A1CF: variants seen among roughly 807,000 people sequenced by gnomAD.
A1CF encodes the protein APOBEC-1 stimulating protein.
A neutral mutation model predicts 68.9 loss-of-function variants in A1CF; 48 were observed. The observed-to-expected ratio is 0.70, with a 90% confidence interval of 0.55 to 0.89. A1CF has a LOEUF of 0.89. Ranked by LOEUF, A1CF falls within the 40% of genes least tolerant of loss-of-function variation. The probability of loss-of-function intolerance (pLI) is 0.00; values close to 1 mark genes in which losing one functional copy is unlikely to be tolerated. For missense variants in A1CF, 653 were observed against 718.9 expected (o/e 0.91, Z 1.05); for synonymous variants, 272 against 260.4 (o/e 1.04, Z -0.43).
intron 10 of A1CF, 97 bp downstream of exon 10, chr10:50,813,760 A>G (rs1211275725): frequency 5.1e-5 from 67 of 1,313,568 alleles, no homozygotes; most frequent in Non-Finnish European, 7.2e-5. Flanking sequence ...AAAAAAACCC[A>G]TAGCTTGAGT....
intron 1 of A1CF, among the ~76,000 whole-genome samples, chr10:50,882,767 T>G (rs766318666): frequency 6.6e-6 from 1 of 152,200 alleles, no homozygotes; most frequent in African/African-American, 2.4e-5. Flanking sequence ...TTTGAACTTA[T>G]TGAGTCATTT....
chr10:50,869,812 C>A (rs16910492), intron 1 of A1CF, among the ~76,000 whole-genome samples: 16,346 of 151,886 alleles, frequency 0.11, 1,280 homozygotes, highest in East Asian at 0.4. Context: ...TTACACAAGG[C>A]TAATTTGTTA....
chr10:50,810,155 G>A, intron 11 of A1CF, 113 bp from the exon 12 acceptor site: 1 of 1,238,442 alleles, frequency 8.1e-7, no homozygotes, highest in Non-Finnish European at 1.1e-6. Flanking sequence ...ATTTTGAGTG[G>A]GTGTTTTTCA....
intron 7 of A1CF, among the ~76,000 whole-genome samples, chr10:50,827,753 CA>C (rs1005643295): frequency 4.6e-5 from 7 of 152,206 alleles, no homozygotes; most frequent in Admixed American, 3.3e-4. Flanking sequence ...CAAACACATT[CA>C]AAAGCTAGCA....
chr10:50,844,185 C>G, intron 3 of A1CF, 63 bp from the exon 4 acceptor site: 1 of 1,574,084 alleles, frequency 6.4e-7, no homozygotes. Flanking sequence ...TTCAATTTCC[C>G]TGAGTATTTT....
intron 6 of A1CF, among the ~76,000 whole-genome samples, chr10:50,833,026 G>A (rs2132415392): frequency 6.6e-6 from 1 of 152,282 alleles, no homozygotes; most frequent in Admixed American, 6.5e-5. Context: ...AGATTTAGCT[G>A]TGAATCACAA....
intron 1 of A1CF, among the ~76,000 whole-genome samples, chr10:50,878,910 G>A (rs532514146): frequency 6.6e-6 from 1 of 152,220 alleles, no homozygotes; most frequent in East Asian, 1.9e-4. Context: ...TTAAAGATCA[G>A]ACAAATACCT....
intron 3 of A1CF, among the ~76,000 whole-genome samples, chr10:50,847,350 G>T (rs757648936): frequency 6.6e-6 from 1 of 152,124 alleles, no homozygotes; most frequent in Non-Finnish European, 1.5e-5. Flanking sequence ...TATAAATCCA[G>T]TGGCTTTAAT....
In A1CF at chr10:50,816,114, G is replaced by C; in HGVS notation, c.1033C>G (p.Pro345Ala). ...YDPTTTYLGA[P>A]VFYAPQTYAA... ...TAGGTCTGGGGGGCATAGAAGACAG[G>C]AGCTCCAAGGTAGGTTGTGGTGGGA... The change falls in exon 9 of 13, where the codon CCT becomes GCT. Residue 345 changes from proline (P) to alanine (A), a missense_variant. By Grantham distance (27) the Pro-to-Ala change is conservative (BLOSUM62 -1). Coordinates refer to ENST00000373997, the MANE Select transcript of A1CF (RefSeq NM_014576.4). 1 of 1,613,842 alleles carries C rather than the reference G, an allele frequency of 6.2e-7. No individual in the cohort carries two copies.
chr10:50,834,690 G>A (rs182263145), intron 6 of A1CF, among the ~76,000 whole-genome samples: 147 of 152,264 alleles, frequency 9.7e-4, no homozygotes, highest in African/African-American at 3.5e-3. Context: ...CCTACTATTT[G>A]CAAGAAGGTG....
intron 1 of A1CF, among the ~76,000 whole-genome samples, chr10:50,876,220 A>G (rs1018529831): frequency 6.6e-6 from 1 of 152,222 alleles, no homozygotes; most frequent in Non-Finnish European, 1.5e-5. Context: ...ATGAATACGT[A>G]TATACACACA....
intron 8 of A1CF, among the ~76,000 whole-genome samples, chr10:50,819,760 T>C (rs1195263659): frequency 6.6e-6 from 1 of 152,226 alleles, no homozygotes; most frequent in African/African-American, 2.4e-5. Flanking sequence ...ATTTTGATTT[T>C]TGAAATTATA....
At chr10:50,868,022 C>T (rs1841076431) in intron 1 of A1CF, among the ~76,000 whole-genome samples, 1 of 152,162 alleles carries the variant, frequency 6.6e-6, no homozygotes, top group Non-Finnish European at 1.5e-5. Flanking sequence ...GGGGCCCGTA[C>T]AGTGAGGTGC....
intron 3 of A1CF, among the ~76,000 whole-genome samples, chr10:50,845,003 A>G (rs967001190): frequency 3.9e-5 from 6 of 152,154 alleles, no homozygotes; most frequent in Admixed American, 1.3e-4. Context: ...TATTTAATTC[A>G]TATCTGTGGT....
chr10:50,838,549 C>A (rs1839629170), intron 5 of A1CF, among the ~76,000 whole-genome samples: 1 of 152,072 alleles, frequency 6.6e-6, no homozygotes, highest in Non-Finnish European at 1.5e-5. Flanking sequence ...TGTCAGGCAC[C>A]TTTCCCGGAA....
intron 3 of A1CF, among the ~76,000 whole-genome samples, chr10:50,852,529 C>A (rs1437154591): frequency 6.6e-6 from 1 of 152,132 alleles, no homozygotes; most frequent in African/African-American, 2.4e-5. Flanking sequence ...TCTACTGGTC[C>A]CATCCTGTTC....
Position 50,828,201 on chromosome 10 carries a change from T to G in A1CF, c.699A>C (p.Leu233=), listed in dbSNP as rs764583061. The G allele has an allele frequency of 1.2e-6, 2 of 1,609,810 alleles. No individual in the cohort carries two copies. Among genetic ancestry groups the G allele is most frequent in the East Asian group, 4.5e-5 (2 of 44,790 alleles). ...DEDTMSSVKI[L]YVRNLMLSTS... is the part of the protein sequence containing the mutation. ...TAGACAGCATAAGATTTCTTACATA[T>G]AGGATTTTCACTGAAGACATTGTAT... The change falls in exon 7 of 13, where the codon CTA becomes CTC. Residue 233 remains leucine, a synonymous_variant. Coordinates refer to ENST00000373997, the MANE Select transcript of A1CF (RefSeq NM_014576.4).
chr10:50,843,936 A>G, intron 4 of A1CF, 52 bp downstream of exon 4: 1 of 1,602,680 alleles, frequency 6.2e-7, no homozygotes, highest in South Asian at 1.1e-5. Context: ...TGAAGAGAAC[A>G]GTATTTTTCC....
At chr10:50,840,071 T>C (rs1454021452) in intron 5 of A1CF, among the ~76,000 whole-genome samples, 1 of 152,164 alleles carries the variant, frequency 6.6e-6, no homozygotes, top group African/African-American at 2.4e-5. Context: ...AAGCCAGTAG[T>C]TAATTGATTT....
Sources: allele counts gnomAD v4.1 joint callset (sites outside exome capture counted in the v4.1 genomes callset), GRCh38; gene constraint gnomAD v4.1.1; transcripts MANE v1.5; gene names NCBI Gene and HGNC (gene_info 2026-07-23, HGNC 2026-07-21).